Variants in SRSF2 observed in about 807,000 individuals in gnomAD.
SRSF2 encodes serine/arginine-rich splicing factor 2.
Under a neutral mutation model 15.7 loss-of-function variants are expected in SRSF2, and 4 were observed. The observed-to-expected ratio is 0.26, with a 90% CI of 0.13 to 0.58. The LOEUF is 0.58. Among genes scored for constraint, SRSF2 ranks in the 20% least tolerant of loss-of-function variants. The pLI is 0.90. For missense variants in SRSF2, 147 were observed against 332.4 expected (o/e 0.44, Z 4.34); for synonymous variants, 192 against 138.9 (o/e 1.38, Z -2.69).
chr17:76,736,042 G>T, intron 2 of SRSF2, 112 bp downstream of exon 2: 1 of 1,108,062 alleles, frequency 9.0e-7, no homozygotes, highest in Non-Finnish European at 1.3e-6. Context: ...AGTAACCTCC[G>T]AGCAGCACTC....
In SRSF2 at chr17:76,734,313, G is replaced by A. The variant is rs1379691675; in HGVS notation, c.*853C>T. 8.6e-6 allele frequency: 2 copies of A among 232,968 alleles called. No homozygotes were observed. The highest frequency in any genetic ancestry group is 1.7e-5 in the Non-Finnish European group (2 of 114,300). 14.4% of individuals were successfully genotyped at this position (232,968 alleles called of 1,614,324 possible). A position where few individuals can be genotyped will look rare whatever the true frequency, so the allele number is the denominator to read the frequency against. On this transcript the variant is annotated 3_prime_UTR_variant, in exon 3 of 3. Coordinates refer to ENST00000359995, the MANE Select transcript of SRSF2 (RefSeq NM_001195427.2). The stretch of plus-strand genomic sequence containing the variant: ...GATTTACCATTTTTAGGGGGAAGAG[G>A]GAAAAAAAGGTGTATTTATCATCAG...
In SRSF2 at chr17:76,736,487, C is replaced by T. The variant is rs377063669; in HGVS notation, c.363-23G>A. The T allele has an allele frequency of 1.5e-5, 24 of 1,605,646 alleles. No individual in the cohort carries two copies. In the African/African-American group the frequency reaches 3.1e-4, roughly 21 times the overall value. ...GGGCTGCGGGCGGGACGAGCAAGCA[C>T]AGCGGGGTTAATTCCAGGCAGCGGG... On this transcript the variant is annotated intron_variant, in intron 1 of 2. Transcript: ENST00000359995.
chr17:76,734,722 C>T lies in SRSF2; in HGVS notation c.*444G>A. Reference sequence around the variant, plus strand: ...AATAACATATACAAATTTACACCAACTTTTGTAGGTTTTTAATTTTAAGGA... The same window carrying T: ...AATAACATATACAAATTTACACCAATTTTTGTAGGTTTTTAATTTTAAGGA... On this transcript the variant is annotated 3_prime_UTR_variant, in exon 3 of 3. Transcript: ENST00000359995. 1 of 236,086 alleles carries T rather than the reference C, an allele frequency of 4.2e-6. No homozygotes were observed. The highest frequency in any genetic ancestry group is 2.2e-5 in the African/African-American group (1 of 44,874). The allele number at this position is 236,086 out of a possible 1,614,324, so 14.6% of individuals were successfully genotyped here. A position where few individuals can be genotyped will look rare whatever the true frequency, so the allele number is the denominator to read the frequency against.
At position 76,735,176 on chromosome 17, in the gene SRSF2, GA is replaced by G. The variant is rs2077399327; in HGVS notation, c.*8-19del. ...CGATACATCTAGGTTTGAAAAGAAA[GA>G]AGTTCAGCTTACCTTCCATTAAAGT... On this transcript the variant is annotated intron_variant, in intron 2 of 2. Transcript: ENST00000359995. 5 of 219,812 alleles carry G rather than the reference GA, an allele frequency of 2.3e-5. No homozygotes were observed. In the South Asian group the frequency reaches 9.3e-4, roughly 41 times the overall value. The allele number at this position is 219,812 out of a possible 1,614,324, so 13.6% of individuals were successfully genotyped here. A position where few individuals can be genotyped will look rare whatever the true frequency, so the allele number is the denominator to read the frequency against.
rs778139770 is a variant in SRSF2 at position 76,737,104 on chromosome 17, G to A, written c.57C>T (p.Asp19=). ...DVEGMTSLKV[D]NLTYRTSPDT... ...CGGGCGAGGTGCGGTAGGTCAGGTTGTCCACCTTGAGGGAGGTCATACCCT... is the reference window on the plus strand; with the variant it reads ...CGGGCGAGGTGCGGTAGGTCAGGTTATCCACCTTGAGGGAGGTCATACCCT... The change falls in exon 1 of 3, where the codon GAC becomes GAT. Residue 19 remains aspartate (D), a synonymous_variant. Transcript: ENST00000359995. 6.2e-7 allele frequency: 1 copy of A among 1,610,572 alleles called. No homozygotes were observed.
In SRSF2 at chr17:76,736,402, G is replaced by A. The variant is rs755334722; in HGVS notation, c.425C>T (p.Ser142Phe). ...SRSRSRSRSR[S>F]RYSRSKSRSR... ...CCGAGACTTCGAGCGGCTGTAGCGAGATCGGCTGCGAGACCTGGAACGACT... is the reference window on the plus strand; with the variant it reads ...CCGAGACTTCGAGCGGCTGTAGCGAAATCGGCTGCGAGACCTGGAACGACT... Residue 142 changes from serine (S) to phenylalanine (F), a missense_variant, in exon 2 of 3, where the codon TCT becomes TTT. This residue lies in a region of SRSF2 where 125 missense variants were observed against 185.1 expected (regional missense o/e 0.68). Coordinates refer to ENST00000359995, the MANE Select transcript of SRSF2 (RefSeq NM_001195427.2). 1.2e-6 allele frequency: 2 copies of A among 1,613,970 alleles called. No homozygotes were observed. The highest frequency in any genetic ancestry group is 3.3e-5 in the Admixed American group (2 of 60,032).
chr17:76,734,336 C>T lies in SRSF2; in HGVS notation c.*830G>A. On this transcript the variant is annotated 3_prime_UTR_variant, in exon 3 of 3. Coordinates refer to ENST00000359995, the MANE Select transcript of SRSF2 (RefSeq NM_001195427.2). ...AGGGAAAAAAAGGTGTATTTATCAT[C>T]AGCTAGATGTGCTCACTGTATGCTC... The T allele has an allele frequency of 4.2e-6, 1 of 238,806 alleles. No individual in the cohort carries two copies. The highest frequency in any genetic ancestry group is 8.7e-6 in the Non-Finnish European group (1 of 114,782). The allele number at this position is 238,806 out of a possible 1,614,324, so 14.8% of individuals were successfully genotyped here.
intron 1 of SRSF2, 62 bp from the exon 2 acceptor site, chr17:76,736,526 G>A (rs1482973086): frequency 6.5e-7 from 1 of 1,529,106 alleles, no homozygotes; most frequent in Non-Finnish European, 8.8e-7. Flanking sequence ...GGCCCCGCCC[G>A]CGCGCTCCCG....
Position 76,737,255 on chromosome 17 carries a change from C to A in SRSF2, c.-95G>T. The A allele has an allele frequency of 6.9e-7, 1 of 1,439,566 alleles. No individual in the cohort carries two copies. Among genetic ancestry groups the A allele is most frequent in the South Asian group, 1.4e-5 (1 of 69,908 alleles). The allele number at this position is 1,439,566 out of a possible 1,614,324, so 89.2% of individuals were successfully genotyped here. ...GCGCCTCTCAGGCAGTTGCCTTCCG[C>A]GTGGGGACACTGGGAAAGGCCTTGC... On this transcript the variant is annotated 5_prime_UTR_variant, in exon 1 of 3. Coordinates refer to ENST00000359995, the MANE Select transcript of SRSF2 (RefSeq NM_001195427.2).
chr17:76,736,745 C>T (rs2077518625), intron 1 of SRSF2, 54 bp downstream of exon 1: 1 of 1,392,188 alleles, frequency 7.2e-7, no homozygotes, highest in Non-Finnish European at 9.3e-7. Flanking sequence ...TGAGGTCGCC[C>T]GGGCCTCCCG....
intron 2 of SRSF2, chr17:76,735,810 G>T: frequency 2.2e-6 from 1 of 459,822 alleles, no homozygotes; most frequent in South Asian, 2.0e-5. Context: ...GTCCCTGGAG[G>T]ATCAGCCAAA....
chr17:76,735,851 T>C, intron 2 of SRSF2: 1 of 541,490 alleles, frequency 1.8e-6, no homozygotes, highest in Non-Finnish European at 3.4e-6. Flanking sequence ...TGGCCAATAT[T>C]CTTTTATCAA....
chr17:76,734,755 C>CATTTAAGG lies in SRSF2; in HGVS notation c.*410_*411insCCTTAAAT. The CATTTAAGG allele has an allele frequency of 4.2e-6, 1 of 238,694 alleles. No individual in the cohort carries two copies. The highest frequency in any genetic ancestry group is 8.9e-6 in the Non-Finnish European group (1 of 112,506). 14.8% of individuals were successfully genotyped at this position (238,694 alleles called of 1,614,324 possible). A position where few individuals can be genotyped will look rare whatever the true frequency, so the allele number is the denominator to read the frequency against. On this transcript the variant is annotated 3_prime_UTR_variant, in exon 3 of 3. Coordinates refer to ENST00000359995, the MANE Select transcript of SRSF2 (RefSeq NM_001195427.2). ...GGTTTTTAATTTTAAGGAATGAAGGCAATGCTGAGTCAATCTCTTGACAGC... is the reference window on the plus strand; with the variant it reads ...GGTTTTTAATTTTAAGGAATGAAGGCATTTAAGGAATGCTGAGTCAATCTCTTGACAGC...
chr17:76,735,621 TA>T, intron 2 of SRSF2: 1 of 249,706 alleles, frequency 4.0e-6, no homozygotes, highest in Non-Finnish European at 8.0e-6. Context: ...GCAATACCTG[TA>T]ACTTTCTTTT....
In SRSF2 at chr17:76,736,303, G is replaced by A. The variant is rs2143926476; in HGVS notation, c.524C>T (p.Ser175Leu). 1 of 1,614,188 alleles carries A rather than the reference G, an allele frequency of 6.2e-7. No homozygotes were observed. Among genetic ancestry groups the A allele is most frequent in the Non-Finnish European group, 8.5e-7 (1 of 1,180,028 alleles). ...GGACCGCGAACGAGATCTGGAGACC[G>A]ACGAGGACTTGGACTTGGACCTTCG... The part of the protein sequence containing the change: ...SARRSKSKSS[S>L]VSRSRSRSRS... Residue 175 changes from serine to leucine, a missense_variant, in exon 2 of 3, where the codon TCG (serine) becomes TTG (leucine). Transcript: ENST00000359995.
rs2077391272 is a variant in SRSF2 at position 76,734,980 on chromosome 17, C to G, written c.*186G>C. ...TTACAAGAAATTTGAATAACAGCAA[C>G]AAAATGGCACATAAAATGAAGTTTG... On this transcript the variant is annotated 3_prime_UTR_variant, in exon 3 of 3. Transcript: ENST00000359995. The G allele has an allele frequency of 4.5e-6, 1 of 224,316 alleles. No homozygotes were observed. Among genetic ancestry groups the G allele is most frequent in the South Asian group, 1.8e-4 (1 of 5,452 alleles). 13.9% of individuals were successfully genotyped at this position (224,316 alleles called of 1,614,324 possible). A position where few individuals can be genotyped will look rare whatever the true frequency, so the allele number is the denominator to read the frequency against.
rs1018320595 is a variant in SRSF2 at position 76,734,152 on chromosome 17, A to C, written c.*1014T>G. The C allele has an allele frequency of 1.4e-5, 3 of 210,212 alleles. No individual in the cohort carries two copies. The highest frequency in any genetic ancestry group is 1.9e-4 in the South Asian group (1 of 5,382). The allele number at this position is 210,212 out of a possible 1,614,324, so 13.0% of individuals were successfully genotyped here. A position where few individuals can be genotyped will look rare whatever the true frequency, so the allele number is the denominator to read the frequency against. On this transcript the variant is annotated 3_prime_UTR_variant, in exon 3 of 3. Transcript: ENST00000359995. ...CTAACACCAAGAAAATGTTTTAATTAAACTACAGAAACAATGGTTATAATA... is the reference window on the plus strand; with the variant it reads ...CTAACACCAAGAAAATGTTTTAATTCAACTACAGAAACAATGGTTATAATA...
In SRSF2 at chr17:76,737,176, C is replaced by T. The variant is rs933034414; in HGVS notation, c.-16G>A. On this transcript the variant is annotated 5_prime_UTR_variant, in exon 1 of 3. Coordinates refer to ENST00000359995, the MANE Select transcript of SRSF2 (RefSeq NM_001195427.2). ...CGTAGCTCATAGCTCTGAGTGGCGG[C>T]CCGGAGCCCCGCGAACTGGCGCCGG... 8 of 1,532,930 alleles carry T rather than the reference C, an allele frequency of 5.2e-6. No homozygotes were observed. Among genetic ancestry groups the T allele is most frequent in the Non-Finnish European group, 7.1e-6 (8 of 1,134,338 alleles). 95.0% of individuals were successfully genotyped at this position (1,532,930 alleles called of 1,614,324 possible). A position where few individuals can be genotyped will look rare whatever the true frequency, so the allele number is the denominator to read the frequency against.
In SRSF2 at chr17:76,734,223, CAA is replaced by C. The variant is rs2077373319; in HGVS notation, c.*941_*942del. On this transcript the variant is annotated 3_prime_UTR_variant, in exon 3 of 3. Transcript: ENST00000359995. ...AGATACACCATGTTATAAGTACTTA[CAA>C]AGTTACAACCATTTGCTTCCTTAAC... 9.0e-6 allele frequency: 2 copies of C among 222,270 alleles called. No homozygotes were observed. Among genetic ancestry groups the C allele is most frequent in the Admixed American group, 1.2e-4 (2 of 17,380 alleles). The allele number at this position is 222,270 out of a possible 1,614,324, so 13.8% of individuals were successfully genotyped here.
Sources: allele counts gnomAD v4.1 joint callset, GRCh38; gene constraint gnomAD v4.1.1; regional missense constraint gnomAD v4.1.1; transcripts MANE v1.5; gene names NCBI Gene and HGNC (gene_info 2026-07-23, HGNC 2026-07-21).